MAGEA4: variants seen among roughly 807,000 people sequenced by gnomAD.
The protein encoded by MAGEA4 is MAGE family member A4, also known as melanoma-associated antigen 4.
MAGEA4 carries 1 observed loss-of-function variant against 13.7 expected under a neutral mutation model. That is an observed-to-expected ratio of 0.07 (90% CI 0.03 to 0.35). The LOEUF (loss-of-function observed/expected upper bound fraction) is 0.35. MAGEA4 is among the 10% of genes least tolerant of loss of function. The pLI is 0.99. For synonymous variants in MAGEA4, 132 were observed against 101.1 expected (o/e 1.31, Z -1.83); for missense variants, 312 against 245.1 (o/e 1.27, Z -1.82).
rs781659856 is a variant in MAGEA4, at chrX:151,924,594, G to C, written c.930G>C (p.Leu310Phe). 8.4e-7 allele frequency: 1 copy of C among 1,192,510 alleles called. No homozygotes were observed. Among genetic ancestry groups the C allele is most frequent in the East Asian group, 3.0e-5 (1 of 33,698 alleles). Reference sequence around the variant, plus strand: ...ACCCATCCCTGCGTGAAGCAGCTTTGTTAGAGGAGGAAGAGGGAGTCTGAG... The same window carrying C: ...ACCCATCCCTGCGTGAAGCAGCTTTCTTAGAGGAGGAAGAGGGAGTCTGAG... Reference protein sequence around the residue: ...IAYPSLREAALLEEEEGV With the variant: ...IAYPSLREAAFLEEEEGV The change falls in exon 3 of 3, where the codon TTG becomes TTC. Residue 310 changes from leucine to phenylalanine, a missense_variant. Transcript: ENST00000276344.
upstream of MAGEA4, chrX:151,912,534 G>C (rs370692871): frequency 4.9e-4 from 178 of 364,315 alleles, 4 homozygotes; most frequent in African/African-American, 4.2e-3. Context: ...GGCTCTGTGA[G>C]GAGGCAAGGT....
intron 1 of MAGEA4, among the ~76,000 whole-genome samples, chrX:151,918,679 C>T (rs1202422356): frequency 5.8e-5 from 2 of 34,270 alleles, no homozygotes; most frequent in African/African-American, 2.2e-4. Context: ...ACGCCCCATC[C>T]CCCACCAGCA....
chrX:151,917,924 G>A (rs1296859270), intron 1 of MAGEA4, among the ~76,000 whole-genome samples: 39 of 93,862 alleles, frequency 4.2e-4, no homozygotes, highest in African/African-American at 1.3e-3. Context: ...AGGGCTAAGC[G>A]TACCCCACCC....
Position 151,924,399 on chromosome X carries a change from A to G in MAGEA4, c.735A>G (p.Lys245=), listed in dbSNP as rs200230138. 2.3e-5 allele frequency: 28 copies of G among 1,209,258 alleles called. No individual in the cohort carries two copies. The highest frequency in any genetic ancestry group is 1.5e-4 in the East Asian group (5 of 33,730). The change falls in exon 3 of 3, where the codon AAA becomes AAG. Residue 245 remains lysine (K), a synonymous_variant. Coordinates refer to ENST00000276344, the MANE Select transcript of MAGEA4 (RefSeq NM_001011548.1). ...ACACTGTCTATGGGGAGCCCAGGAA[A>G]CTGCTCACCCAAGATTGGGTGCAGG... ...REHTVYGEPR[K]LLTQDWVQEN...
intron 1 of MAGEA4, chrX:151,913,432 G>A (rs7891084): frequency 3.2e-6 from 2 of 631,481 alleles, no homozygotes; most frequent in African/African-American, 2.9e-5. Context: ...ACGCTGAATC[G>A]GGTTGCGCTC....
At position 151,923,923 on chromosome X, in the gene MAGEA4, G is replaced by C; in HGVS notation, c.259G>C (p.Gly87Arg). Reference sequence around the variant, plus strand: ...CACTTGCTGGAGGCAACCCAATGAGGGTTCCAGCAGCCAAGAAGAGGAGGG... The same window carrying C: ...CACTTGCTGGAGGCAACCCAATGAGCGTTCCAGCAGCCAAGAAGAGGAGGG... Reference protein sequence around the residue: ...SFTCWRQPNEGSSSQEEEGPS... With the variant: ...SFTCWRQPNERSSSQEEEGPS... The change falls in exon 3 of 3, where the codon GGT (glycine) becomes CGT (arginine). Residue 87 changes from glycine (G) to arginine (R), a missense_variant. Coordinates refer to ENST00000276344, the MANE Select transcript of MAGEA4 (RefSeq NM_001011548.1). 2 of 1,211,450 alleles carry C rather than the reference G, an allele frequency of 1.7e-6. No homozygotes were observed. Among genetic ancestry groups the C allele is most frequent in the Non-Finnish European group, 2.2e-6 (2 of 895,425 alleles).
chrX:151,924,580 C>T lies in MAGEA4; in HGVS notation c.916C>T (p.Arg306Cys), dbSNP rs747218857. The change falls in exon 3 of 3, where the codon CGT becomes TGT. Residue 306 changes from arginine to cysteine, a missense_variant. Arg to Cys is a radical substitution (Grantham distance 180). Transcript: ENST00000276344. ...ARVRIAYPSL[R>C]EAALLEEEEG... is the part of the protein sequence containing the mutation. The stretch of plus-strand genomic sequence containing the variant: ...AGTTCGCATTGCCTACCCATCCCTG[C>T]GTGAAGCAGCTTTGTTAGAGGAGGA... 2.1e-5 allele frequency: 25 copies of T among 1,195,803 alleles called. No individual in the cohort carries two copies. Among genetic ancestry groups the T allele is most frequent in the Non-Finnish European group, 2.6e-5 (23 of 887,170 alleles).
rs1311560939 is a variant in MAGEA4 at position 151,923,587 on chromosome X, CCT to C, written c.-65-7_-65-6del. On this transcript the variant is annotated splice_polypyrimidine_tract_variant and intron_variant, in intron 2 of 2. Transcript: ENST00000276344. ...CTCAGCTGAGGTCTCTCACATGCTC[CCT>C]CTCTCCGTAGGCCTGTGGGTCCCCA... The C allele has an allele frequency of 8.3e-7, 1 of 1,210,518 alleles. No homozygotes were observed. The highest frequency in any genetic ancestry group is 3.0e-5 in the East Asian group (1 of 33,814).
chrX:151,919,599 G>T (rs1055970712), intron 1 of MAGEA4: 1 of 726,214 alleles, frequency 1.4e-6, no homozygotes, highest in African/African-American at 2.5e-5. Context: ...CAAGAAAGCC[G>T]CAGGTGCCGG....
At chrX:151,923,342 A>G in intron 1 of MAGEA4, 111 bp from the exon 2 acceptor site, 1 of 495,869 alleles carries the variant, frequency 2.0e-6, no homozygotes, top group South Asian at 2.7e-5. Flanking sequence ...ACCTGCCACA[A>G]GACACATAGG....
intron 1 of MAGEA4, among the ~76,000 whole-genome samples, chrX:151,922,649 G>C (rs886985102): frequency 8.9e-6 from 1 of 111,799 alleles, no homozygotes; most frequent in African/African-American, 3.3e-5. Context: ...ATGTGAGGGA[G>C]GATTGAGGGT....
At chrX:151,918,907 A>G in intron 1 of MAGEA4, 1 of 731,774 alleles carries the variant, frequency 1.4e-6, no homozygotes. Flanking sequence ...CTTTCAACCC[A>G]AGAAAGCCCC....
chrX:151,923,434 C>T lies in MAGEA4; in HGVS notation c.-137-19C>T, dbSNP rs1011936049. 8.6e-7 allele frequency: 1 copy of T among 1,168,385 alleles called. No homozygotes were observed. Among genetic ancestry groups the T allele is most frequent in the Non-Finnish European group, 1.1e-6 (1 of 872,797 alleles). On this transcript the variant is annotated intron_variant, in intron 1 of 2. Transcript: ENST00000276344. Reference sequence around the variant, plus strand: ...CTGGCCGGCTATACCCTGAGGTGCTCTCTCACTTCCTCCTTCAGGTTCTGA... The same window carrying T: ...CTGGCCGGCTATACCCTGAGGTGCTTTCTCACTTCCTCCTTCAGGTTCTGA...
Position 151,919,653 on chromosome X carries a change from G to A in MAGEA4, c.-137-3800G>A, listed in dbSNP as rs764660830. 84 of 750,554 alleles carry A rather than the reference G, an allele frequency of 1.1e-4. No individual in the cohort carries two copies. In the African/African-American group the frequency reaches 1.9e-3, roughly 17 times the overall value. The allele number at this position is 750,554 out of a possible 1,213,427, so 61.9% of individuals were successfully genotyped here. A position where few individuals can be genotyped will look rare whatever the true frequency, so the allele number is the denominator to read the frequency against. On this transcript the variant is annotated intron_variant, in intron 1 of 2. Coordinates refer to ENST00000276344, the MANE Select transcript of MAGEA4 (RefSeq NM_001011548.1). ...TGCGCATTGGGGGTTAGAGAAAAGC[G>A]AGCTGCTCTGTCTGACCAGCAGCTT...
chrX:151,913,919 C>T (rs1421306844), intron 1 of MAGEA4: 2 of 94,959 alleles, frequency 2.1e-5, no homozygotes, highest in East Asian at 3.4e-4. Context: ...CCCCATCCCC[C>T]ACCAGCACTC....
rs1323830282 is a variant in MAGEA4 at position 151,912,973 on chromosome X, A to C, written c.-138+4A>C. 1 of 109,681 alleles carries C rather than the reference A, an allele frequency of 9.1e-6. No homozygotes were observed. Among genetic ancestry groups the C allele is most frequent in the Non-Finnish European group, 1.8e-5 (1 of 54,189 alleles). 9.0% of individuals were successfully genotyped at this position (109,681 alleles called of 1,213,427 possible). The stretch of plus-strand genomic sequence containing the variant: ...CCAGGCTCTATAAGGAGACAAGGTG[A>C]GATGCTGAGGGAGGACTCAGGAGGA... On this transcript the variant is annotated splice_donor_region_variant and intron_variant, in intron 1 of 2. Coordinates refer to ENST00000276344, the MANE Select transcript of MAGEA4 (RefSeq NM_001011548.1).
Position 151,925,001 on chromosome X carries a change from G to C in MAGEA4, c.*383G>C, listed in dbSNP as rs1227629451. ...ATAACAGCAGTGGAGTAAGTATTTA[G>C]AAGTGTGAATTCACCGTGAAATAGG... On this transcript the variant is annotated 3_prime_UTR_variant, in exon 3 of 3. Transcript: ENST00000276344. The C allele has an allele frequency of 1.4e-5, 2 of 143,776 alleles. No individual in the cohort carries two copies. Among genetic ancestry groups the C allele is most frequent in the African/African-American group, 3.2e-5 (1 of 31,424 alleles). 11.8% of individuals were successfully genotyped at this position (143,776 alleles called of 1,213,427 possible). A position where few individuals can be genotyped will look rare whatever the true frequency, so the allele number is the denominator to read the frequency against.
In MAGEA4 at chrX:151,924,414, T is replaced by C. The variant is rs146055714; in HGVS notation, c.750T>C (p.Asp250=). 2.5e-6 allele frequency: 3 copies of C among 1,209,418 alleles called. No individual in the cohort carries two copies. Among genetic ancestry groups the C allele is most frequent in the Admixed American group, 2.2e-5 (1 of 45,836 alleles). Residue 250 remains aspartate, a synonymous_variant, in exon 3 of 3, where the codon GAT becomes GAC. Coordinates refer to ENST00000276344, the MANE Select transcript of MAGEA4 (RefSeq NM_001011548.1). ...YGEPRKLLTQ[D]WVQENYLEYR... ...AGCCCAGGAAACTGCTCACCCAAGA[T>C]TGGGTGCAGGAAAACTACCTGGAGT...
chrX:151,919,822 G>C (rs932962595), intron 1 of MAGEA4: 29 of 699,317 alleles, frequency 4.1e-5, no homozygotes, highest in South Asian at 3.0e-4. Flanking sequence ...CACTCGTGGG[G>C]GGACTTCTGA....
Sources: allele counts gnomAD v4.1 joint callset (sites outside exome capture counted in the v4.1 genomes callset), GRCh38; gene constraint gnomAD v4.1.1; transcripts MANE v1.5; gene names NCBI Gene and HGNC (gene_info 2026-07-23, HGNC 2026-07-21).